GABRB3: variants seen among roughly 807,000 people sequenced by gnomAD.
GABRB3 encodes the protein gamma-aminobutyric acid type A receptor subunit beta3.
In GABRB3, 14 loss-of-function variants were observed where a neutral mutation model predicts 52.1. The observed-to-expected ratio is 0.27, with a 90% confidence interval of 0.18 to 0.42. GABRB3 has a LOEUF of 0.42. Ranked by LOEUF, GABRB3 falls within the 10% of genes least tolerant of loss-of-function variation. GABRB3 has a pLI of 1.00. For synonymous variants in GABRB3, 260 were observed against 232.3 expected, an observed-to-expected ratio of 1.12 and a Z score of -1.08; for missense variants, 307 against 609.1, an observed-to-expected ratio of 0.50 and a Z score of 5.22.
intron 8 of GABRB3, 72 bp downstream of exon 8, chr15:26,560,860 A>G: frequency 6.2e-7 from 1 of 1,604,282 alleles, no homozygotes; most frequent in African/African-American, 1.3e-5. Flanking sequence ...AAACAAAGAA[A>G]TATCATGCAA....
At chr15:26,710,683 C>G (rs143994732) in intron 3 of GABRB3, among the ~76,000 whole-genome samples, 46 of 152,328 alleles carry the variant, frequency 3.0e-4, no homozygotes, top group African/African-American at 1.0e-3. Context: ...TGTATAAAGA[C>G]TCCAATTTCT....
intron 4 of GABRB3, among the ~76,000 whole-genome samples, chr15:26,618,198 A>T (rs998683011): frequency 6.6e-6 from 1 of 152,016 alleles, no homozygotes; most frequent in African/African-American, 2.4e-5. Context: ...AAAAGAGCCC[A>T]CATCGCCAAG....
At chr15:26,622,731 TGC>T (rs1259406777) in intron 3 of GABRB3, among the ~76,000 whole-genome samples, 1 of 152,210 alleles carries the variant, frequency 6.6e-6, no homozygotes, top group Non-Finnish European at 1.5e-5. Flanking sequence ...GGCTGTTTAT[TGC>T]TGCTCTCAAT....
chr15:26,636,328 A>T (rs931988977), intron 3 of GABRB3, among the ~76,000 whole-genome samples: 3 of 152,154 alleles, frequency 2.0e-5, no homozygotes, highest in Non-Finnish European at 4.4e-5. Context: ...TTCCTCCAGC[A>T]TCCATGGCAC....
At chr15:26,616,959 A>G (rs1892278187) in intron 4 of GABRB3, among the ~76,000 whole-genome samples, 1 of 152,006 alleles carries the variant, frequency 6.6e-6, no homozygotes, top group Admixed American at 6.6e-5. Context: ...CTTCTGTTAA[A>G]AAAAAAAACA....
chr15:26,614,369 T>C (rs1219297741), intron 4 of GABRB3: 2 of 152,068 alleles, frequency 1.3e-5, no homozygotes, highest in African/African-American at 4.8e-5. Flanking sequence ...TAAGCCAGAA[T>C]TTAAAGTGAG....
chr15:26,601,145 C>T (rs1416576895), intron 4 of GABRB3, among the ~76,000 whole-genome samples: 1 of 152,002 alleles, frequency 6.6e-6, no homozygotes, highest in Non-Finnish European at 1.5e-5. Context: ...AGGATTTGGC[C>T]AGGTGCAGTG....
chr15:26,671,705 T>C (rs1283970813), intron 3 of GABRB3, among the ~76,000 whole-genome samples: 1 of 152,198 alleles, frequency 6.6e-6, no homozygotes, highest in Non-Finnish European at 1.5e-5. Context: ...CTTCATCAAT[T>C]TTATGGTTGA....
At chr15:26,691,052 C>G (rs1888572773) in intron 3 of GABRB3, among the ~76,000 whole-genome samples, 1 of 151,324 alleles carries the variant, frequency 6.6e-6, no homozygotes, top group South Asian at 2.1e-4. Context: ...GGTCCTTATT[C>G]CCTCCTCTCC....
Position 26,690,104 on chromosome 15 carries a change from G to A in GABRB3, c.241-68570C>T, listed in dbSNP as rs535122837. On this transcript the variant is annotated intron_variant, in intron 3 of 8. Coordinates refer to ENST00000311550, the MANE Select transcript of GABRB3 (RefSeq NM_000814.6). ...CAATCTGGAGAATGAGAAGGTACAC[G>A]GATTTTTTTTTTTTTTTGAGACAAG... 1.6e-3 allele frequency among the ~76,000 whole-genome samples: 108 copies of A among 68,928 alleles called. 1 individual carries two copies. In the South Asian group the frequency reaches 0.022, roughly 14 times the overall value. 45.2% of individuals were successfully genotyped at this position (68,928 alleles called of 152,430 possible).
intron 3 of GABRB3, among the ~76,000 whole-genome samples, chr15:26,741,057 T>A (rs370179974): frequency 0.01 from 571 of 56,918 alleles, 8 homozygotes; most frequent in Admixed American, 0.078. Flanking sequence ...TGTGTGTGTG[T>A]GTGTGTGTGT....
chr15:26,673,066 C>G (rs1264877385), intron 3 of GABRB3, among the ~76,000 whole-genome samples: 1 of 152,166 alleles, frequency 6.6e-6, no homozygotes, highest in African/African-American at 2.4e-5. Flanking sequence ...AATTGACCTC[C>G]TATCGTGTTT....
In GABRB3 at chr15:26,736,174, T is replaced by G. The variant is rs200919111; in HGVS notation, c.240+36228A>C. Reference sequence around the variant, plus strand: ...GATAGTGGCAATTATTGCACAAAAGTGCAAATGCATTTAATGCAACTAACC... The same window carrying G: ...GATAGTGGCAATTATTGCACAAAAGGGCAAATGCATTTAATGCAACTAACC... On this transcript the variant is annotated intron_variant, in intron 3 of 8. Transcript: ENST00000311550. Among the ~76,000 whole-genome samples the G allele has an allele frequency of 6.6e-5, 10 of 152,270 alleles. No individual in the cohort carries two copies. In the East Asian group the frequency reaches 1.9e-3, roughly 29 times the overall value.
intron 3 of GABRB3, among the ~76,000 whole-genome samples, chr15:26,727,455 G>A (rs1889804126): frequency 6.6e-6 from 1 of 152,094 alleles, no homozygotes; most frequent in Admixed American, 6.6e-5. Flanking sequence ...TGGCCATCAG[G>A]AGACCCTTCA....
rs369245248 is a variant in GABRB3 at position 26,672,435 on chromosome 15, G to A, written c.241-50901C>T. 5.9e-5 allele frequency among the ~76,000 whole-genome samples: 9 copies of A among 152,218 alleles called. No homozygotes were observed. The East Asian group carries it at 1.2e-3, about 20-fold the overall frequency. On this transcript the variant is annotated intron_variant, in intron 3 of 8. Coordinates refer to ENST00000311550, the MANE Select transcript of GABRB3 (RefSeq NM_000814.6). ...GTTCCTGAAGATCATCTGCTCTTCC[G>A]TAAATGGAGTTTCTCCCTCTCTCTT...
intron 6 of GABRB3, among the ~76,000 whole-genome samples, chr15:26,572,508 T>G (rs939653771): frequency 1.8e-4 from 27 of 152,346 alleles, no homozygotes; most frequent in African/African-American, 5.5e-4. Flanking sequence ...TCTATTCTGC[T>G]AGGCAAAGGC....
In GABRB3 at chr15:26,752,147, G is replaced by A. The variant is rs547717916; in HGVS notation, c.240+20255C>T. On this transcript the variant is annotated intron_variant, in intron 3 of 8. Transcript: ENST00000311550. ...CTCCCTGTAACCACAGTACCTAAGG[G>A]AAGGGTGATCAGCAACTAGCAGACA... is the stretch of plus-strand genomic sequence containing the variant. Among the ~76,000 whole-genome samples, 563 of 152,226 alleles carry A rather than the reference G, an allele frequency of 3.7e-3. 4 individuals are homozygous for A. The highest frequency in any genetic ancestry group is 6.5e-3 in the Non-Finnish European group (443 of 68,024).
rs964871209 is a variant in GABRB3, at chr15:26,693,963, C to T, written c.241-72429G>A. 2.0e-5 allele frequency among the ~76,000 whole-genome samples: 3 copies of T among 152,148 alleles called. 1 individual carries two copies. Among genetic ancestry groups the T allele is most frequent in the Non-Finnish European group, 4.4e-5 (3 of 68,026 alleles). ...GCAGGAAGAGAGGAAAAGAAATCAT[C>T]TTCCACTGGGCTCAGTGGCTCACAC... On this transcript the variant is annotated intron_variant, in intron 3 of 8. Transcript: ENST00000311550.
At chr15:26,668,443 C>T (rs989856) in intron 3 of GABRB3, among the ~76,000 whole-genome samples, 37,922 of 152,044 alleles carry the variant, frequency 0.25, 5,803 homozygotes, top group Admixed American at 0.34. Flanking sequence ...TGCCTAGGGC[C>T]GAACTGACTC....
Sources: allele counts gnomAD v4.1 joint callset (sites outside exome capture counted in the v4.1 genomes callset), GRCh38; gene constraint gnomAD v4.1.1; transcripts MANE v1.5; gene names NCBI Gene and HGNC (gene_info 2026-07-23, HGNC 2026-07-21).